Variants in TAF9B observed in about 807,000 individuals in gnomAD.
TAF9B encodes TATA-box binding protein associated factor 9b.
Under a neutral mutation model 17.6 loss-of-function variants are expected in TAF9B, and 47 were observed. That is an observed-to-expected ratio of 2.68 (90% CI 2.12 to 3.41). The LOEUF (loss-of-function observed/expected upper bound fraction) is 3.41. TAF9B is among the 30% of genes most tolerant of loss of function. The pLI, the probability that TAF9B is intolerant of heterozygous loss-of-function variation, is 0.00. For missense variants in TAF9B, 218 were observed against 189.3 expected (o/e 1.15, Z -0.89); for synonymous variants, 84 against 68.7 (o/e 1.22, Z -1.10).
At chrX:78,138,556 G>A (rs1217988278) in intron 2 of TAF9B, among the ~76,000 whole-genome samples, 1 of 112,129 alleles carries the variant, frequency 8.9e-6, no homozygotes, top group African/African-American at 3.2e-5. Context: ...TCAGTAGTTC[G>A]AGGCCAGCCT....
At position 78,137,805 on chromosome X, in the gene TAF9B, G is replaced by A. The variant is rs781811611; in HGVS notation, c.349C>T (p.Pro117Ser). ...GGAGCTGTTAAGCAGTATCTATCAG[G>A]TGGCAGTCTAGGTCCTGCATATGGC... is the stretch of plus-strand genomic sequence containing the variant. Reference protein sequence around the residue: ...IKPYAGPRLPPDRYCLTAPNY... With the variant: ...IKPYAGPRLPSDRYCLTAPNY... Residue 117 changes from proline (P) to serine (S), a missense_variant, in exon 4 of 7, where the codon CCT becomes TCT. Transcript: ENST00000341864. 3 of 1,206,999 alleles carry A rather than the reference G, an allele frequency of 2.5e-6. No homozygotes were observed. The highest frequency in any genetic ancestry group is 3.5e-5 in the African/African-American group (2 of 56,918).
At chrX:78,136,159 AG>A (rs1557250018) in intron 5 of TAF9B, among the ~76,000 whole-genome samples, 1 of 111,499 alleles carries the variant, frequency 9.0e-6, no homozygotes, top group Non-Finnish European at 1.9e-5. Flanking sequence ...GCAGGAATGT[AG>A]GAAAAAAAAA....
Position 78,138,838 on chromosome X carries a change from C to G in TAF9B, c.133+5G>C, listed in dbSNP as rs376680633. On this transcript the variant is annotated splice_donor_5th_base_variant and intron_variant, in intron 2 of 6. Transcript: ENST00000341864. ...AGGCAAGTTTTTGGTGTTTCATTAA[C>G]TTACGGAAAGCAAATTCCAACATTT... The G allele has an allele frequency of 1.7e-6, 2 of 1,188,608 alleles. No homozygotes were observed. The highest frequency in any genetic ancestry group is 1.7e-5 in the African/African-American group (1 of 57,161).
intron 1 of TAF9B, 59 bp downstream of exon 1, chrX:78,139,502 C>G (rs1425829237): frequency 2.6e-5 from 31 of 1,202,763 alleles, no homozygotes; most frequent in Non-Finnish European, 3.5e-5. Context: ...CGTGGCCCCG[C>G]CTCGCAGGTC....
chrX:78,137,243 C>T (rs1038788794), intron 4 of TAF9B, among the ~76,000 whole-genome samples: 3 of 111,714 alleles, frequency 2.7e-5, no homozygotes, highest in South Asian at 3.6e-4. Flanking sequence ...AGCGGTTATC[C>T]CCATTCAAAT....
intron 6 of TAF9B, among the ~76,000 whole-genome samples, chrX:78,132,220 C>T (rs1183703884): frequency 9.0e-6 from 1 of 111,220 alleles, no homozygotes; most frequent in Non-Finnish European, 1.9e-5. Flanking sequence ...TCTCGAACTC[C>T]TGGCCTCAAG....
At chrX:78,132,673 T>C (rs945708885) in intron 6 of TAF9B, among the ~76,000 whole-genome samples, 19 of 109,316 alleles carry the variant, frequency 1.7e-4, no homozygotes, top group African/African-American at 5.7e-4. Context: ...AAGGTACAAT[T>C]TCATTTGAAT....
rs782419224 is a variant in TAF9B, at chrX:78,131,598, A to T, written c.*12T>A. 6 of 1,205,319 alleles carry T rather than the reference A, an allele frequency of 5.0e-6. No individual in the cohort carries two copies. The highest frequency in any genetic ancestry group is 6.7e-6 in the Non-Finnish European group (6 of 890,710). On this transcript the variant is annotated 3_prime_UTR_variant, in exon 7 of 7. Transcript: ENST00000341864. Reference sequence around the variant, plus strand: ...TTTCCTTTTGAAATGCATCTAGACTAGACTATATTCCTTACATAATATCAT... The same window carrying T: ...TTTCCTTTTGAAATGCATCTAGACTTGACTATATTCCTTACATAATATCAT...
intron 5 of TAF9B, among the ~76,000 whole-genome samples, chrX:78,136,269 G>A (rs1451697196): frequency 9.0e-6 from 1 of 111,497 alleles, no homozygotes; most frequent in Non-Finnish European, 1.9e-5. Flanking sequence ...TCCACTAAAA[G>A]GAACTAGAGC....
rs190023083 is a variant in TAF9B, at chrX:78,130,807, T to C, written c.*803A>G. 8.9e-6 allele frequency: 1 copy of C among 112,195 alleles called. No homozygotes were observed. Among genetic ancestry groups the C allele is most frequent in the East Asian group, 2.8e-4 (1 of 3,609 alleles). 9.2% of individuals were successfully genotyped at this position (112,195 alleles called of 1,213,427 possible). ...CTACCTGTCAAAAGCACAGTAAAGC[T>C]TAACAGGCATAAAAACTAAGGGGTA... is the stretch of plus-strand genomic sequence containing the variant. On this transcript the variant is annotated 3_prime_UTR_variant, in exon 7 of 7. Coordinates refer to ENST00000341864, the MANE Select transcript of TAF9B (RefSeq NM_015975.5).
chrX:78,132,717 C>G (rs1234221096), intron 6 of TAF9B, among the ~76,000 whole-genome samples: 1 of 109,418 alleles, frequency 9.1e-6, no homozygotes, highest in Non-Finnish European at 1.9e-5. Context: ...TACACATATT[C>G]ATCACTAAGT....
chrX:78,134,379 A>T (rs1011546634), intron 5 of TAF9B, among the ~76,000 whole-genome samples: 2 of 111,827 alleles, frequency 1.8e-5, no homozygotes, highest in African/African-American at 3.3e-5. Flanking sequence ...ATGTTTGCTT[A>T]ATAAATGTAT....
Position 78,137,848 on chromosome X carries a change from G to A in TAF9B, c.306C>T (p.Thr102=). The A allele has an allele frequency of 8.3e-7, 1 of 1,209,167 alleles. No individual in the cohort carries two copies. Among genetic ancestry groups the A allele is most frequent in the Non-Finnish European group, 1.1e-6 (1 of 894,781 alleles). Residue 102 remains threonine (T), a synonymous_variant, in exon 4 of 7, where the codon ACC becomes ACT. Transcript: ENST00000341864. ...LLDIARQKNQ[T]PLPLIKPYAG... is the part of the protein sequence containing the mutation. ...CATATGGCTTAATCAGTGGCAAAGG[G>A]GTTTGATTTTTCTGCCTTGCGATAT...
At position 78,131,661 on chromosome X, in the gene TAF9B, T is replaced by G; in HGVS notation, c.705A>C (p.Ala235=). ...CTTCATGTTTTCTCTTCAGTGGGTTTGCTTCATTGGCTGTGTTCTGTGACG... is the reference window on the plus strand; with the variant it reads ...CTTCATGTTTTCTCTTCAGTGGGTTGGCTTCATTGGCTGTGTTCTGTGACG... The part of the protein sequence containing the change: ...MVSSQNTANE[A]NPLKRKHEDD... Residue 235 remains alanine (A), a synonymous_variant, in exon 7 of 7, where the codon GCA becomes GCC. Transcript: ENST00000341864. 2 of 1,211,312 alleles carry G rather than the reference T, an allele frequency of 1.7e-6. No homozygotes were observed.
At chrX:78,139,446 C>T (rs1257569566) in intron 1 of TAF9B, 115 bp downstream of exon 1, 1 of 1,078,787 alleles carries the variant, frequency 9.3e-7, no homozygotes, top group African/African-American at 1.8e-5. Flanking sequence ...CCTGACGGCC[C>T]TGACTAGACT....
At position 78,135,415 on chromosome X, in the gene TAF9B, G is replaced by GA. The variant is rs782511393; in HGVS notation, c.481+1499dup. On this transcript the variant is annotated intron_variant, in intron 5 of 6. Coordinates refer to ENST00000341864, the MANE Select transcript of TAF9B (RefSeq NM_015975.5). ...AACATGGTGAAATCCCGTCTTTACT[G>GA]AAAAAAAAAAAAAACACAAAAAAAC... Among the ~76,000 whole-genome samples, 466 of 84,569 alleles carry GA rather than the reference G, an allele frequency of 5.5e-3. 3 individuals are homozygous for GA. Among genetic ancestry groups the GA allele is most frequent in the African/African-American group, 9.5e-3 (222 of 23,421 alleles). The allele number at this position is 84,569 out of a possible 115,157, so 73.4% of individuals were successfully genotyped here.
In TAF9B at chrX:78,137,758, T is replaced by C. The variant is rs1557250198; in HGVS notation, c.396A>G (p.Leu132=). 1 of 1,186,156 alleles carries C rather than the reference T, an allele frequency of 8.4e-7. No homozygotes were observed. Among genetic ancestry groups the C allele is most frequent in the Non-Finnish European group, 1.1e-6 (1 of 888,604 alleles). Residue 132 remains leucine (L), a synonymous_variant, in exon 4 of 7, where the codon TTA becomes TTG. Transcript: ENST00000341864. Reference sequence around the variant, plus strand: ...GACTAAAATTTCTTACCTTTTTAATTAAGGACTTCAGCCTATAGTTTGGAG... The same window carrying C: ...GACTAAAATTTCTTACCTTTTTAATCAAGGACTTCAGCCTATAGTTTGGAG... ...LTAPNYRLKS[L]IKKGPNQGRL... is the part of the protein sequence containing the mutation.
Position 78,131,722 on chromosome X carries a change from C to G in TAF9B, c.644G>C (p.Gly215Ala). ...GGTGGTAATAAGAATATTTTTGGGC[C>G]CAATCATTGAAGGATTAATCAGAAC... ...QNVLINPSMI[G>A]PKNILITTNM... Residue 215 changes from glycine (G) to alanine (A), a missense_variant, in exon 7 of 7, where the codon GGG becomes GCG. Coordinates refer to ENST00000341864, the MANE Select transcript of TAF9B (RefSeq NM_015975.5). 1 of 1,209,618 alleles carries G rather than the reference C, an allele frequency of 8.3e-7. No homozygotes were observed. The highest frequency in any genetic ancestry group is 1.1e-6 in the Non-Finnish European group (1 of 894,342).
Position 78,138,732 on chromosome X carries a change from G to C in TAF9B, c.133+111C>G. The C allele has an allele frequency of 4.7e-6, 3 of 635,124 alleles. No individual in the cohort carries two copies. In the South Asian group the frequency reaches 7.2e-5, roughly 15 times the overall value. The allele number at this position is 635,124 out of a possible 1,213,427, so 52.3% of individuals were successfully genotyped here. The stretch of plus-strand genomic sequence containing the variant: ...ATCGCGCCACTGCCTTCTAGCCTGG[G>C]CAACAGCGAGTCCCTGTCTCAAAAA... On this transcript the variant is annotated intron_variant, in intron 2 of 6. Transcript: ENST00000341864.
Sources: gnomAD v4.1 joint callset for allele counts (sites outside exome capture counted in the v4.1 genomes callset) on GRCh38, gnomAD v4.1.1 for gene constraint, MANE v1.5 for transcripts, NCBI Gene and HGNC (gene_info 2026-07-23, HGNC 2026-07-21) for gene names.